Variants in ZNF425 observed in about 807,000 individuals in gnomAD.
The protein encoded by ZNF425 is zinc finger protein 425.
ZNF425 carries 21 observed loss-of-function variants against 17.0 expected under a neutral mutation model. The observed-to-expected ratio is 1.23, with a 90% CI of 0.88 to 1.78. The LOEUF is 1.78. ZNF425 is among the 40% of genes most tolerant of loss of function. ZNF425 has a pLI of 0.00. For synonymous variants in ZNF425, 433 were observed against 384.1 expected, an observed-to-expected ratio of 1.13 and a Z score of -1.49; for missense variants, 868 against 967.3, an observed-to-expected ratio of 0.90 and a Z score of 1.36.
chr7:149,105,063 C>T lies in ZNF425; in HGVS notation c.808G>A (p.Gly270Ser), dbSNP rs775952758. 4.3e-6 allele frequency: 7 copies of T among 1,614,206 alleles called. No homozygotes were observed. The South Asian group carries it at 7.7e-5, about 18-fold the overall frequency. Residue 270 changes from glycine (G) to serine (S), a missense_variant, in exon 4 of 4, where the codon GGC becomes AGC. By Grantham distance (56) the Gly-to-Ser change is moderately conservative. Around this residue, in one of 5 missense-constraint regions of ZNF425, gnomAD observed 243 missense variants for 265.2 expected, o/e 0.92. Transcript: ENST00000378061. ...SLVTHQVVHT[G>S]QRPYPCPECD... ...TCAGGGCATGGGTAGGGCCGCTGGC[C>T]GGTGTGGACAACCTGATGAGTGACG...
intron 2 of ZNF425, 119 bp downstream of exon 2, chr7:149,118,103 A>G: frequency 2.8e-6 from 3 of 1,086,478 alleles, no homozygotes; most frequent in Non-Finnish European, 4.1e-6. Context: ...GGGAGGAGAC[A>G]TTATGAATGT....
chr7:149,105,134 A>G lies in ZNF425; in HGVS notation c.737T>C (p.Phe246Ser), dbSNP rs1167840813. The G allele has an allele frequency of 6.2e-7, 1 of 1,614,214 alleles. No homozygotes were observed. Among genetic ancestry groups the G allele is most frequent in the South Asian group, 1.1e-5 (1 of 91,086 alleles). The change falls in exon 4 of 4, where the codon TTC (phenylalanine) becomes TCC (serine). Residue 246 changes from phenylalanine to serine, a missense_variant. Phe to Ser is a radical substitution (Grantham distance 155, BLOSUM62 -2). Transcript: ENST00000378061. ...TQRLLCQKKR[F>S]QCSECEKSYF... is the part of the protein sequence containing the mutation. ...GCTCTTCTCACACTCACTGCACTGG[A>G]ACCGCTTCTTCTGACACAGGAGCCT...
At chr7:149,118,167 G>C (rs1055810846) in intron 2 of ZNF425, 55 bp downstream of exon 2, 2 of 1,608,544 alleles carry the variant, frequency 1.2e-6, no homozygotes, top group Admixed American at 3.3e-5. Context: ...AGGGAAGGAA[G>C]CCTGGTACTA....
chr7:149,104,395 G>A lies in ZNF425; in HGVS notation c.1476C>T (p.His492=), dbSNP rs752579041. The A allele has an allele frequency of 1.2e-6, 2 of 1,607,422 alleles. No individual in the cohort carries two copies. Among genetic ancestry groups the A allele is most frequent in the Non-Finnish European group, 1.7e-6 (2 of 1,176,832 alleles). Reference sequence around the variant, plus strand: ...CGCAGGGAAACTCCTTCTGCCTGTCGTGGACTCTGGTGTGGCAGGCGAGCT... The same window carrying A: ...CGCAGGGAAACTCCTTCTGCCTGTCATGGACTCTGGTGTGGCAGGCGAGCT... ...PSKLACHTRV[H]DRQKEFPCGE... The change falls in exon 4 of 4, where the codon CAC becomes CAT. Residue 492 remains histidine (H), a synonymous_variant. Coordinates refer to ENST00000378061, the MANE Select transcript of ZNF425 (RefSeq NM_001001661.3). This position sits in a 1 kb window ranked among gnomAD's most constrained non-coding sequence, Gnocchi z 4.3.
intron 3 of ZNF425, among the ~76,000 whole-genome samples, chr7:149,110,482 C>G (rs1391289849): frequency 6.6e-6 from 1 of 150,886 alleles, no homozygotes; most frequent in Non-Finnish European, 1.5e-5. Flanking sequence ...AGGAGAATTG[C>G]TTGAACCCAG....
In ZNF425 at chr7:149,118,910, G is replaced by C. The variant is rs745469576; in HGVS notation, c.19-562C>G. Among the ~76,000 whole-genome samples, 26 of 152,304 alleles carry C rather than the reference G, an allele frequency of 1.7e-4. 1 individual carries two copies. Among genetic ancestry groups the C allele is most frequent in the Middle Eastern group, 6.8e-3 (2 of 294 alleles). ...GGGATGCTTTACTTAGCAGCAACCA[G>C]TTACTGCTGTGGAAGACTGGGTCTA... is the stretch of plus-strand genomic sequence containing the variant. On this transcript the variant is annotated intron_variant, in intron 1 of 3. Coordinates refer to ENST00000378061, the MANE Select transcript of ZNF425 (RefSeq NM_001001661.3).
rs767640447 is a variant in ZNF425 at position 149,104,896 on chromosome 7, G to A, written c.975C>T (p.Ser325=). 2.7e-5 allele frequency: 43 copies of A among 1,613,358 alleles called. No individual in the cohort carries two copies. The highest frequency in any genetic ancestry group is 3.0e-5 in the Non-Finnish European group (35 of 1,179,918). The stretch of plus-strand genomic sequence containing the variant: ...GCGGACACTGGAAGGGCTTCTCTCC[G>A]CTGTGCAGCCGCAAGTGCTCCGTGA... ...CELTEHLRLH[S]GEKPFQCPQC... is the part of the protein sequence containing the mutation. The change falls in exon 4 of 4, where the codon AGC becomes AGT. Residue 325 remains serine, a synonymous_variant. Transcript: ENST00000378061. This position sits in a 1 kb window ranked among gnomAD's most constrained non-coding sequence, Gnocchi z 4.3.
In ZNF425 at chr7:149,104,564, T is replaced by G; in HGVS notation, c.1307A>C (p.His436Pro). The change falls in exon 4 of 4, where the codon CAC becomes CCC. Residue 436 changes from histidine to proline, a missense_variant. Physicochemically the swap from His to Pro is moderately conservative, Grantham distance 77 (BLOSUM62 -2). Coordinates refer to ENST00000378061, the MANE Select transcript of ZNF425 (RefSeq NM_001001661.3). This position sits in a 1 kb window ranked among gnomAD's most constrained non-coding sequence, Gnocchi z 4.3. ...GCACTGGAAGGGCCGCTTCCCAATG[T>G]GCTGCAGCCCGTGGGCTTTCAGGCT... ...KRSLKAHGLQ[H>P]IGKRPFQCPE... 1 of 1,613,712 alleles carries G rather than the reference T, an allele frequency of 6.2e-7. No homozygotes were observed. Among genetic ancestry groups the G allele is most frequent in the Non-Finnish European group, 8.5e-7 (1 of 1,179,894 alleles).
intron 3 of ZNF425, among the ~76,000 whole-genome samples, chr7:149,110,114 G>A (rs569467461): frequency 1.3e-5 from 2 of 151,238 alleles, no homozygotes; most frequent in Non-Finnish European, 2.9e-5. Flanking sequence ...GACCTCATGT[G>A]ATCCGACCTC....
At chr7:149,114,634 T>G (rs114872357) in intron 2 of ZNF425, among the ~76,000 whole-genome samples, 1 of 151,820 alleles carries the variant, frequency 6.6e-6, no homozygotes, top group Non-Finnish European at 1.5e-5. Flanking sequence ...CCTAACCTCA[T>G]GATCCACTCA....
intron 1 of ZNF425, chr7:149,125,567 G>A (rs57172981): frequency 0.036 from 5,533 of 154,226 alleles, 327 homozygotes; most frequent in African/African-American, 0.13. Context: ...GAGAGACCCC[G>A]AGGTTCAGAG....
intron 2 of ZNF425, among the ~76,000 whole-genome samples, chr7:149,112,686 G>A (rs1826193266): frequency 6.6e-6 from 1 of 151,994 alleles, no homozygotes; most frequent in Non-Finnish European, 1.5e-5. Context: ...TTATTTTTGA[G>A]ACAGGGTCTC....
In ZNF425 at chr7:149,126,307, G is replaced by C. The variant is rs1037277152; in HGVS notation, c.-94C>G. 7.2e-5 allele frequency: 108 copies of C among 1,503,658 alleles called. No homozygotes were observed. The highest frequency in any genetic ancestry group is 8.9e-5 in the Non-Finnish European group (100 of 1,124,820). 93.1% of individuals were successfully genotyped at this position (1,503,658 alleles called of 1,614,324 possible). A position where few individuals can be genotyped will look rare whatever the true frequency, so the allele number is the denominator to read the frequency against. On this transcript the variant is annotated 5_prime_UTR_variant, in exon 1 of 4. Coordinates refer to ENST00000378061, the MANE Select transcript of ZNF425 (RefSeq NM_001001661.3). Reference sequence around the variant, plus strand: ...GGTACAGCCCTGCTGGCCCCCAAAGGCAGAGCCGGCCGGGCGCGGTGCATG... The same window carrying C: ...GGTACAGCCCTGCTGGCCCCCAAAGCCAGAGCCGGCCGGGCGCGGTGCATG...
chr7:149,125,931 T>TC (rs1826458840), intron 1 of ZNF425: 7 of 648,476 alleles, frequency 1.1e-5, no homozygotes, highest in Non-Finnish European at 1.9e-5. Flanking sequence ...CAAGCGCTGC[T>TC]CCCGCCTCAG....
At position 149,104,841 on chromosome 7, in the gene ZNF425, C is replaced by G; in HGVS notation, c.1030G>C (p.Gly344Arg). Reference sequence around the variant, plus strand: ...TGCTGGGTCAGATGGACCTTCATGCCCCTCTTCAGGCGGAAGCACCGGTCA... The same window carrying G: ...TGCTGGGTCAGATGGACCTTCATGCGCCTCTTCAGGCGGAAGCACCGGTCA... ...QCDRCFRLKR[G>R]MKVHLTQHSG... is the part of the protein sequence containing the mutation. The change falls in exon 4 of 4, where the codon GGC becomes CGC. Residue 344 changes from glycine (G) to arginine (R), a missense_variant. By Grantham distance (125) the Gly-to-Arg change is moderately radical. Around this residue, in one of 5 missense-constraint regions of ZNF425, gnomAD observed 243 missense variants for 265.2 expected, o/e 0.92. Coordinates refer to ENST00000378061, the MANE Select transcript of ZNF425 (RefSeq NM_001001661.3). The surrounding 1 kb of genome is among the most constrained non-coding windows in gnomAD (Gnocchi z 4.3). 1 of 1,613,610 alleles carries G rather than the reference C, an allele frequency of 6.2e-7. No homozygotes were observed. The highest frequency in any genetic ancestry group is 8.5e-7 in the Non-Finnish European group (1 of 1,179,894).
At chr7:149,114,730 A>G (rs1414114123) in intron 2 of ZNF425, among the ~76,000 whole-genome samples, 1 of 151,048 alleles carries the variant, frequency 6.6e-6, no homozygotes, top group African/African-American at 2.4e-5. Context: ...GGAAGCAGAC[A>G]AGTTAAGGAT....
chr7:149,104,400 C>T lies in ZNF425; in HGVS notation c.1471G>A (p.Val491Ile). The T allele has an allele frequency of 6.2e-7, 1 of 1,607,448 alleles. No individual in the cohort carries two copies. Among genetic ancestry groups the T allele is most frequent in the Non-Finnish European group, 8.5e-7 (1 of 1,176,740 alleles). Residue 491 changes from valine to isoleucine, a missense_variant, in exon 4 of 4, where the codon GTC becomes ATC. By Grantham distance (29) the Val-to-Ile change is conservative. This residue lies in a region of ZNF425 where 437 missense variants were observed against 444.2 expected (regional missense o/e 0.98). Transcript: ENST00000378061. The surrounding 1 kb of genome is among the most constrained non-coding windows in gnomAD (Gnocchi z 4.3). ...RPSKLACHTR[V>I]HDRQKEFPCG... Reference sequence around the variant, plus strand: ...GGAAACTCCTTCTGCCTGTCGTGGACTCTGGTGTGGCAGGCGAGCTTGGAA... The same window carrying T: ...GGAAACTCCTTCTGCCTGTCGTGGATTCTGGTGTGGCAGGCGAGCTTGGAA...
intron 2 of ZNF425, among the ~76,000 whole-genome samples, chr7:149,112,649 A>T (rs1826192705): frequency 1.3e-5 from 2 of 152,110 alleles, no homozygotes; most frequent in Non-Finnish European, 2.9e-5. Flanking sequence ...AATTATTTTT[A>T]AAAATTATTA....
In ZNF425 at chr7:149,124,059, G is replaced by A. The variant is rs998328087; in HGVS notation, c.18+2137C>T. ...AGACGGGGTTTCACCGTGTTAGCCA[G>A]GATGGTCTTGATCTCCTGACCTCGT... On this transcript the variant is annotated intron_variant, in intron 1 of 3. Transcript: ENST00000378061. 6.0e-5 allele frequency among the ~76,000 whole-genome samples: 9 copies of A among 149,992 alleles called. No individual in the cohort carries two copies. The Admixed American group carries it at 6.0e-4, about 10-fold the overall frequency.
Sources: gnomAD v4.1 joint callset for allele counts (sites outside exome capture counted in the v4.1 genomes callset) on GRCh38, gnomAD v4.1.1 for gene constraint, gnomAD v4.1.1 regional missense constraint, Gnocchi (gnomAD v3.1) non-coding constraint, MANE v1.5 for transcripts, NCBI Gene and HGNC (gene_info 2026-07-23, HGNC 2026-07-21) for gene names.